The following DOCK2 variants were observed in gnomAD, a reference collection of about 807,000 sequenced individuals.
DOCK2 encodes dedicator of cytokinesis 2, also known as dedicator of cytokinesis protein 2.
A neutral mutation model predicts 248.9 loss-of-function variants in DOCK2; 87 were observed. The ratio of observed to expected loss-of-function variants is 0.35; its 90% CI spans 0.29 to 0.42. The LOEUF (loss-of-function observed/expected upper bound fraction) is 0.42. DOCK2 is among the 10% of genes least tolerant of loss of function. The pLI, the probability that DOCK2 is intolerant of heterozygous loss-of-function variation, is 1.00. For missense variants in DOCK2, 1,747 were observed against 2,300.2 expected (o/e 0.76, Z 4.92); for synonymous variants, 805 against 821.6 (o/e 0.98, Z 0.35).
chr5:169,840,246 C>G (rs1769866161), intron 26 of DOCK2, among the ~76,000 whole-genome samples: 1 of 152,138 alleles, frequency 6.6e-6, no homozygotes, highest in African/African-American at 2.4e-5. Context: ...TTGCCACACA[C>G]TTTTAAACAA....
chr5:169,684,208 C>G lies in DOCK2; in HGVS notation c.619C>G (p.Pro207Ala). 6.2e-7 allele frequency: 1 copy of G among 1,613,976 alleles called. No individual in the cohort carries two copies. Among genetic ancestry groups the G allele is most frequent in the South Asian group, 1.1e-5 (1 of 91,064 alleles). ...TTCTGCCTTTCAGTCAAAAGACCAG[C>G]CAGATTATGCAATGTATTCCCGGAT... ...RIKEEMSKDQ[P>A]DYAMYSRISS... Residue 207 changes from proline to alanine, a missense_variant, in exon 8 of 52, where the codon CCA (proline) becomes GCA (alanine). Pro to Ala is a conservative substitution (Grantham distance 27). Coordinates refer to ENST00000520908, the MANE Select transcript of DOCK2 (RefSeq NM_004946.3).
At chr5:169,976,652 G>A (rs1259491858) in intron 27 of DOCK2, among the ~76,000 whole-genome samples, 1 of 152,020 alleles carries the variant, frequency 6.6e-6, no homozygotes, top group African/African-American at 2.4e-5. Context: ...CTCCAACCAG[G>A]ATCAGAAGGT....
intron 42 of DOCK2, among the ~76,000 whole-genome samples, chr5:170,055,880 A>T (rs552031860): frequency 6.6e-6 from 1 of 152,344 alleles, no homozygotes; most frequent in African/African-American, 2.4e-5. Context: ...GTGAAGGCTG[A>T]TGTCCACCTG....
chr5:170,069,342 C>A, intron 46 of DOCK2, 122 bp downstream of exon 46: 1 of 950,480 alleles, frequency 1.1e-6, no homozygotes, highest in Non-Finnish European at 1.6e-6. Context: ...CTGTCCCTTG[C>A]TTTTCAGCCC....
At chr5:169,674,894 G>C (rs1725316514) in intron 6 of DOCK2, among the ~76,000 whole-genome samples, 1 of 152,142 alleles carries the variant, frequency 6.6e-6, no homozygotes, top group Non-Finnish European at 1.5e-5. Flanking sequence ...TCCTCAAAAG[G>C]GAAGAGAAGT....
intron 44 of DOCK2, among the ~76,000 whole-genome samples, chr5:170,066,151 C>T (rs755328228): frequency 1.3e-5 from 2 of 152,018 alleles, no homozygotes; most frequent in Non-Finnish European, 2.9e-5. Flanking sequence ...GGGGTTTCAC[C>T]ATGTTAGTCA....
chr5:170,067,824 T>A, intron 45 of DOCK2, 138 bp downstream of exon 45: 1 of 919,836 alleles, frequency 1.1e-6, no homozygotes, highest in Non-Finnish European at 1.6e-6. Context: ...TCAGCTTGGT[T>A]GGCCCTCATG....
intron 2 of DOCK2, among the ~76,000 whole-genome samples, chr5:169,668,733 C>T (rs944471292): frequency 6.6e-6 from 1 of 151,714 alleles, no homozygotes; most frequent in Non-Finnish European, 1.5e-5. Flanking sequence ...CTTAAAATCC[C>T]TGTCCCTTTA....
In DOCK2 at chr5:169,936,265, T is replaced by C. The variant is rs557819552; in HGVS notation, c.2800-46803T>C. On this transcript the variant is annotated intron_variant, in intron 27 of 51. Transcript: ENST00000520908. ...TCCGTGCATGGTTCTACAGACAAGA[T>C]AATGTCCGTGCTTCAACGACAGAGA... Among the ~76,000 whole-genome samples the C allele has an allele frequency of 1.3e-3, 199 of 152,322 alleles. 3 individuals are homozygous for C. In the South Asian group the frequency reaches 0.04, roughly 30 times the overall value.
intron 41 of DOCK2, among the ~76,000 whole-genome samples, chr5:170,054,706 T>G (rs1757053009): frequency 6.6e-6 from 1 of 152,214 alleles, no homozygotes; most frequent in Admixed American, 6.5e-5. Flanking sequence ...CCGGACTCAG[T>G]TGGTTCTCAG....
intron 27 of DOCK2, among the ~76,000 whole-genome samples, chr5:169,943,850 T>A (rs896199576): frequency 6.6e-6 from 1 of 152,208 alleles, no homozygotes; most frequent in African/African-American, 2.4e-5. Flanking sequence ...TGAGAATCCT[T>A]ACCCCATGGT....
chr5:169,768,527 G>A (rs757991280), intron 25 of DOCK2, among the ~76,000 whole-genome samples: 1 of 152,166 alleles, frequency 6.6e-6, no homozygotes, highest in Non-Finnish European at 1.5e-5. Context: ...TGTTCCAAAT[G>A]CCAGGCTATA....
chr5:170,077,628 A>C, intron 47 of DOCK2, 82 bp from the exon 48 acceptor site: 7 of 1,579,426 alleles, frequency 4.4e-6, no homozygotes, highest in Non-Finnish European at 5.2e-6. Flanking sequence ...TGCCCTGCCT[A>C]GGTGGAGGAA....
intron 5 of DOCK2, among the ~76,000 whole-genome samples, chr5:169,672,235 T>C (rs1759088700): frequency 6.6e-6 from 1 of 152,142 alleles, no homozygotes; most frequent in South Asian, 2.1e-4. Context: ...CTTGAACTCC[T>C]GACCTCAAGT....
intron 27 of DOCK2, among the ~76,000 whole-genome samples, chr5:169,954,494 A>G (rs1328047035): frequency 6.6e-6 from 1 of 152,246 alleles, no homozygotes; most frequent in Admixed American, 6.5e-5. Flanking sequence ...GGCAGGGACC[A>G]GAAAGACCTC....
rs777237537 is a variant in DOCK2 at position 169,684,244 on chromosome 5, C to G, written c.655C>G (p.Pro219Ala). Reference sequence around the variant, plus strand: ...AATGTATTCCCGGATCTCCTCATCCCCCACCCATAGCCTCTATGTGTTTGT... The same window carrying G: ...AATGTATTCCCGGATCTCCTCATCCGCCACCCATAGCCTCTATGTGTTTGT... Reference protein sequence around the residue: ...YAMYSRISSSPTHSLYVFVRN... With the variant: ...YAMYSRISSSATHSLYVFVRN... Residue 219 changes from proline (P) to alanine (A), a missense_variant, in exon 8 of 52, where the codon CCC becomes GCC. Around this residue, in one of 4 missense-constraint regions of DOCK2, gnomAD observed 375 missense variants for 510.9 expected, o/e 0.73. Transcript: ENST00000520908. The G allele has an allele frequency of 6.2e-7, 1 of 1,614,034 alleles. No homozygotes were observed. The highest frequency in any genetic ancestry group is 8.5e-7 in the Non-Finnish European group (1 of 1,180,012).
chr5:169,916,323 T>C (rs1034244610), intron 27 of DOCK2, among the ~76,000 whole-genome samples: 1 of 152,258 alleles, frequency 6.6e-6, no homozygotes, highest in African/African-American at 2.4e-5. Context: ...TGCATGGATC[T>C]AAGGAACCAG....
rs1455568318 is a variant in DOCK2 at position 169,850,160 on chromosome 5, C to A, written c.2799+9308C>A. Among the ~76,000 whole-genome samples, 4 of 152,128 alleles carry A rather than the reference C, an allele frequency of 2.6e-5. No homozygotes were observed. In the South Asian group the frequency reaches 6.2e-4, roughly 24 times the overall value. On this transcript the variant is annotated intron_variant, in intron 27 of 51. Coordinates refer to ENST00000520908, the MANE Select transcript of DOCK2 (RefSeq NM_004946.3). ...GTATTAACAGTTCACATTTATGGAC[C>A]GTTTATGTGACCAAGATGGTACCAA...
chr5:170,076,046 A>T lies in DOCK2; in HGVS notation c.4828A>T (p.Lys1610Ter). The T allele has an allele frequency of 6.2e-7, 1 of 1,614,172 alleles. No homozygotes were observed. The highest frequency in any genetic ancestry group is 8.5e-7 in the Non-Finnish European group (1 of 1,180,034). Residue 1610 changes from lysine (K) to a stop codon, truncating the protein, a stop_gained, in exon 47 of 52, where the codon AAA becomes TAA. Transcript: ENST00000520908. LOFTEE classifies it high-confidence loss of function. ...DRMEECFKNL[K>*]MKVEKEYGVR... is the part of the protein sequence containing the mutation. ...GATGGAGGAATGTTTCAAGAACCTG[A>T]AAATGAAGGTGGAGAAGGAGTACGG...
Sources: allele counts gnomAD v4.1 joint callset (sites outside exome capture counted in the v4.1 genomes callset), GRCh38; gene constraint gnomAD v4.1.1; regional missense constraint gnomAD v4.1.1; transcripts MANE v1.5; gene names NCBI Gene and HGNC (gene_info 2026-07-23, HGNC 2026-07-21).